SH3RF3: variants seen among roughly 807,000 people sequenced by gnomAD.
SH3RF3 encodes the protein E3 ubiquitin-protein ligase SH3RF3.
Under a neutral mutation model 66.3 loss-of-function variants are expected in SH3RF3, and 29 were observed. The ratio of observed to expected loss-of-function variants is 0.44; its 90% CI spans 0.33 to 0.60. The LOEUF is 0.60. SH3RF3 is among the 20% of genes least tolerant of loss of function. The pLI, the probability that SH3RF3 is intolerant of heterozygous loss-of-function variation, is 0.04. For synonymous variants in SH3RF3, 583 were observed against 532.0 expected (o/e 1.10, Z -1.32); for missense variants, 1,194 against 1,190.9 (o/e 1.00, Z -0.04).
intron 8 of SH3RF3, among the ~76,000 whole-genome samples, chr2:109,471,329 G>A (rs1025091461): frequency 6.6e-5 from 10 of 152,052 alleles, no homozygotes; most frequent in African/African-American, 1.2e-4. Flanking sequence ...CAATCATGGC[G>A]GAAGGCAAAG....
intron 1 of SH3RF3, among the ~76,000 whole-genome samples, chr2:109,258,659 C>A (rs1680278730): frequency 6.6e-6 from 1 of 152,242 alleles, no homozygotes; most frequent in South Asian, 2.1e-4. Context: ...GTCACCGGTA[C>A]CTCTAGGAGC....
At chr2:109,378,167 G>A (rs993981046) in intron 3 of SH3RF3, among the ~76,000 whole-genome samples, 3 of 152,202 alleles carry the variant, frequency 2.0e-5, no homozygotes, top group African/African-American at 7.2e-5. Flanking sequence ...TCTCTCCTCC[G>A]CAGCACCTCC....
rs192160567 is a variant in SH3RF3 at position 109,413,867 on chromosome 2, C to T, written c.1300-5672C>T. On this transcript the variant is annotated intron_variant, in intron 4 of 9. Coordinates refer to ENST00000309415, the MANE Select transcript of SH3RF3 (RefSeq NM_001099289.3). ...CTGCAGGGAGCACACTGGGGTCTTC[C>T]GCATCCCATGAGTGGGATCAAGAGG... Among the ~76,000 whole-genome samples, 152 of 152,330 alleles carry T rather than the reference C, an allele frequency of 1.0e-3. 1 individual carries two copies. The highest frequency in any genetic ancestry group is 3.2e-4 in the Non-Finnish European group (22 of 68,034).
At chr2:109,208,515 T>A (rs764055549) in intron 1 of SH3RF3, among the ~76,000 whole-genome samples, 13 of 152,238 alleles carry the variant, frequency 8.5e-5, no homozygotes, top group Non-Finnish European at 1.8e-4. Flanking sequence ...AAGCTCCATG[T>A]GATTGAGCTT....
chr2:109,493,728 A>G (rs1248611226), intron 9 of SH3RF3, among the ~76,000 whole-genome samples: 2 of 151,824 alleles, frequency 1.3e-5, no homozygotes, highest in African/African-American at 2.4e-5. Flanking sequence ...AACACACACC[A>G]TATACATTAT....
chr2:109,237,607 A>G (rs1043593231), intron 1 of SH3RF3, among the ~76,000 whole-genome samples: 1 of 152,156 alleles, frequency 6.6e-6, no homozygotes, highest in East Asian at 1.9e-4. Context: ...TGTGTGTGTG[A>G]ATTTTTTTTA....
intron 5 of SH3RF3, among the ~76,000 whole-genome samples, chr2:109,420,783 G>A (rs1676856888): frequency 6.6e-6 from 1 of 152,120 alleles, no homozygotes; most frequent in South Asian, 2.1e-4. Flanking sequence ...ATTTTGAAGA[G>A]CAACTTGCCA....
At position 109,259,141 on chromosome 2, in the gene SH3RF3, C is replaced by T. The variant is rs939197204; in HGVS notation, c.574-88533C>T. On this transcript the variant is annotated intron_variant, in intron 1 of 9. Coordinates refer to ENST00000309415, the MANE Select transcript of SH3RF3 (RefSeq NM_001099289.3). The stretch of plus-strand genomic sequence containing the variant: ...CACATGTAATAGCTGCAACATGCCA[C>T]GCGGCTTGTGGCTGAAGTTACTTAC... 3.9e-5 allele frequency among the ~76,000 whole-genome samples: 6 copies of T among 152,352 alleles called. No homozygotes were observed. The East Asian group carries it at 7.7e-4, about 20-fold the overall frequency.
intron 9 of SH3RF3, among the ~76,000 whole-genome samples, chr2:109,494,745 C>T (rs978658494): frequency 1.3e-5 from 2 of 151,928 alleles, no homozygotes; most frequent in East Asian, 3.9e-4. Context: ...GGTTTCCACC[C>T]CAAAATGCCA....
At chr2:109,232,340 TAG>T (rs1435214429) in intron 1 of SH3RF3, among the ~76,000 whole-genome samples, 1 of 152,162 alleles carries the variant, frequency 6.6e-6, no homozygotes, top group Non-Finnish European at 1.5e-5. Context: ...TGGAAAATGG[TAG>T]AGAGTAGTTG....
At chr2:109,394,684 G>A (rs998677803) in intron 3 of SH3RF3, among the ~76,000 whole-genome samples, 1 of 152,228 alleles carries the variant, frequency 6.6e-6, no homozygotes, top group Admixed American at 6.5e-5. Context: ...GGAGGGGGAC[G>A]TCCACCTGAT....
At chr2:109,164,863 G>C (rs958617895) in intron 1 of SH3RF3, among the ~76,000 whole-genome samples, 3 of 152,226 alleles carry the variant, frequency 2.0e-5, no homozygotes, top group African/African-American at 7.2e-5. Context: ...AATCAAGGCT[G>C]CAAGTTCCTT....
intron 6 of SH3RF3, among the ~76,000 whole-genome samples, chr2:109,436,210 A>G (rs1677393203): frequency 6.6e-6 from 1 of 152,216 alleles, no homozygotes; most frequent in African/African-American, 2.4e-5. Context: ...AACTGAATCC[A>G]CAGAAGCTTC....
intron 1 of SH3RF3, among the ~76,000 whole-genome samples, chr2:109,172,931 GT>G (rs111859972): frequency 2.6e-5 from 4 of 152,346 alleles, no homozygotes; most frequent in African/African-American, 9.6e-5. Flanking sequence ...GGGTATAACT[GT>G]TGTGTGACTG....
rs1326507378 is a variant in SH3RF3 at position 109,223,096 on chromosome 2, C to G, written c.573+92983C>G. Among the ~76,000 whole-genome samples the G allele has an allele frequency of 4.6e-5, 7 of 152,358 alleles. No individual in the cohort carries two copies. The East Asian group carries it at 1.3e-3, about 29-fold the overall frequency. ...CACCACGCCCTGATGCTTCTCCATC[C>G]CAGACAGGGGGAAGCAGGTGGTTGG... is the stretch of plus-strand genomic sequence containing the variant. On this transcript the variant is annotated intron_variant, in intron 1 of 9. Coordinates refer to ENST00000309415, the MANE Select transcript of SH3RF3 (RefSeq NM_001099289.3).
chr2:109,356,786 T>C (rs1682951521), intron 2 of SH3RF3, among the ~76,000 whole-genome samples: 1 of 152,116 alleles, frequency 6.6e-6, no homozygotes, highest in Non-Finnish European at 1.5e-5. Context: ...TTGGTGCAAA[T>C]CCCACCCTCC....
At chr2:109,284,019 C>T (rs1310713696) in intron 1 of SH3RF3, among the ~76,000 whole-genome samples, 2 of 152,226 alleles carry the variant, frequency 1.3e-5, no homozygotes, top group African/African-American at 4.8e-5. Flanking sequence ...GTAGGAAAGC[C>T]GAGGGGAGGG....
At position 109,493,005 on chromosome 2, in the gene SH3RF3, C is replaced by A. The variant is rs902388151; in HGVS notation, c.2480+2069C>A. Among the ~76,000 whole-genome samples the A allele has an allele frequency of 3.3e-5, 5 of 152,192 alleles. No homozygotes were observed. The East Asian group carries it at 9.6e-4, about 29-fold the overall frequency. ...CACACTGCACACCACACTGTGCAAA[C>A]ATACACTCACCACACATACACCATA... On this transcript the variant is annotated intron_variant, in intron 9 of 9. Coordinates refer to ENST00000309415, the MANE Select transcript of SH3RF3 (RefSeq NM_001099289.3).
intron 4 of SH3RF3, among the ~76,000 whole-genome samples, chr2:109,412,132 T>A (rs1676606947): frequency 6.6e-6 from 1 of 152,174 alleles, no homozygotes; most frequent in African/African-American, 2.4e-5. Flanking sequence ...CCGGCACAGA[T>A]GGGATGGTGA....
Sources: allele counts gnomAD v4.1 joint callset (sites outside exome capture counted in the v4.1 genomes callset), GRCh38; gene constraint gnomAD v4.1.1; transcripts MANE v1.5; gene names NCBI Gene and HGNC (gene_info 2026-07-23, HGNC 2026-07-21).